SPACA7: variants seen among roughly 807,000 people sequenced by gnomAD.
The protein encoded by SPACA7 is sperm acrosome associated 7.
A neutral mutation model predicts 26.3 loss-of-function variants in SPACA7; 19 were observed. The observed-to-expected ratio is 0.72, with a 90% CI of 0.50 to 1.06. The LOEUF is 1.06. Among genes scored for constraint, SPACA7 ranks in the 50% least tolerant of loss-of-function variants. The pLI, the probability that SPACA7 is intolerant of heterozygous loss-of-function variation, is 0.00. For synonymous variants in SPACA7, 84 were observed against 84.5 expected (o/e 0.99, Z 0.04); for missense variants, 211 against 229.9 (o/e 0.92, Z 0.53).
At chr13:112,422,518 A>G (rs905464122) in intron 5 of SPACA7, among the ~76,000 whole-genome samples, 4 of 152,236 alleles carry the variant, frequency 2.6e-5, no homozygotes, top group Non-Finnish European at 5.9e-5. Context: ...TGGAACATTC[A>G]CCAACATCCA....
At chr13:112,431,953 C>T (rs111374836) in intron 5 of SPACA7, among the ~76,000 whole-genome samples, 25 of 152,144 alleles carry the variant, frequency 1.6e-4, no homozygotes, top group African/African-American at 5.1e-4. Flanking sequence ...TCCTGAGCAG[C>T]GGGGACCACA....
intron 1 of SPACA7, among the ~76,000 whole-genome samples, chr13:112,380,577 G>T (rs1346194336): frequency 2.0e-5 from 3 of 151,790 alleles, no homozygotes; most frequent in Non-Finnish European, 2.9e-5. Context: ...CACCACATAA[G>T]ATTTTTCTCT....
intron 1 of SPACA7, among the ~76,000 whole-genome samples, chr13:112,379,657 C>T (rs1883917883): frequency 1.3e-5 from 2 of 152,156 alleles, no homozygotes; most frequent in African/African-American, 4.8e-5. Context: ...TTTGACAATG[C>T]TTTTTACGAA....
intron 5 of SPACA7, among the ~76,000 whole-genome samples, chr13:112,411,318 T>C (rs1411663756): frequency 6.6e-6 from 1 of 152,142 alleles, no homozygotes; most frequent in African/African-American, 2.4e-5. Context: ...AATTCATATA[T>C]AATAGTTGCA....
At chr13:112,407,126 A>G (rs1365363742) in intron 5 of SPACA7, among the ~76,000 whole-genome samples, 1 of 152,260 alleles carries the variant, frequency 6.6e-6, no homozygotes, top group African/African-American at 2.4e-5. Context: ...TACTGGGTAC[A>G]TAACAAAATG....
rs540239383 is a variant in SPACA7, at chr13:112,402,860, T to C, written c.445+1696T>C. 8.5e-5 allele frequency among the ~76,000 whole-genome samples: 13 copies of C among 152,320 alleles called. No homozygotes were observed. The South Asian group carries it at 2.7e-3, about 32-fold the overall frequency. On this transcript the variant is annotated intron_variant, in intron 5 of 6. Transcript: ENST00000283550. ...AATAAATTCCATTTGGTCATGTTGA[T>C]TATATTCTTAGAATGGTATTAGATT...
intron 5 of SPACA7, among the ~76,000 whole-genome samples, chr13:112,405,657 A>G (rs1397773917): frequency 1.3e-5 from 2 of 152,214 alleles, no homozygotes; most frequent in Non-Finnish European, 2.9e-5. Context: ...TTTAACTGGA[A>G]TCTGGTGTGT....
At chr13:112,394,633 G>T (rs1172383562) in intron 2 of SPACA7, among the ~76,000 whole-genome samples, 2 of 152,156 alleles carry the variant, frequency 1.3e-5, no homozygotes, top group Non-Finnish European at 2.9e-5. Flanking sequence ...CGCTCCTGCC[G>T]CCCCGTCCAC....
At chr13:112,424,233 A>C (rs1055321820) in intron 5 of SPACA7, among the ~76,000 whole-genome samples, 2 of 152,236 alleles carry the variant, frequency 1.3e-5, no homozygotes, top group Non-Finnish European at 2.9e-5. Flanking sequence ...CACTCCAAAG[A>C]ACCTAGGTGC....
intron 2 of SPACA7, among the ~76,000 whole-genome samples, chr13:112,395,846 A>T (rs373305128): frequency 6.6e-6 from 1 of 152,184 alleles, no homozygotes; most frequent in Non-Finnish European, 1.5e-5. Flanking sequence ...AACCATCAGC[A>T]GTTAGACTTG....
At chr13:112,382,293 C>T in intron 1 of SPACA7, 1 of 724,316 alleles carries the variant, frequency 1.4e-6, no homozygotes, top group Non-Finnish European at 2.2e-6. Context: ...CACTCTGTTG[C>T]CAGACTGGAG....
intron 3 of SPACA7, among the ~76,000 whole-genome samples, chr13:112,398,433 G>C (rs962470280): frequency 2.6e-5 from 4 of 152,042 alleles, no homozygotes; most frequent in African/African-American, 9.7e-5. Flanking sequence ...CAGGGCACAA[G>C]AACCTGAGAA....
At chr13:112,390,986 C>T (rs1168211544) in intron 1 of SPACA7, among the ~76,000 whole-genome samples, 1 of 152,210 alleles carries the variant, frequency 6.6e-6, no homozygotes, top group African/African-American at 2.4e-5. Flanking sequence ...GGGGGTGCTG[C>T]ACTGTTTAAA....
intron 5 of SPACA7, among the ~76,000 whole-genome samples, chr13:112,405,924 A>G (rs1376925421): frequency 6.6e-6 from 1 of 152,118 alleles, no homozygotes; most frequent in Non-Finnish European, 1.5e-5. Context: ...TGTCATGTTA[A>G]TGTTTTGAGG....
intron 1 of SPACA7, among the ~76,000 whole-genome samples, chr13:112,378,207 G>T (rs1048198402): frequency 3.3e-5 from 5 of 152,108 alleles, no homozygotes; most frequent in Non-Finnish European, 5.9e-5. Context: ...AACATTGAAG[G>T]ACTCTAAAAG....
At chr13:112,407,533 G>T (rs562104196) in intron 5 of SPACA7, among the ~76,000 whole-genome samples, 2 of 152,118 alleles carry the variant, frequency 1.3e-5, no homozygotes, top group South Asian at 2.1e-4. Context: ...TGGTAAAGGG[G>T]ATATCACCAC....
Position 112,423,220 on chromosome 13 carries a change from C to T in SPACA7, c.446-9224C>T, listed in dbSNP as rs769570007. ...CACAAGTACCATTGGCAAGTATTCT[C>T]GGGGCAAATGGGAAAGGGTTAATTA... On this transcript the variant is annotated intron_variant, in intron 5 of 6. Coordinates refer to ENST00000283550, the MANE Select transcript of SPACA7 (RefSeq NM_145248.5). Among the ~76,000 whole-genome samples, 14 of 152,038 alleles carry T rather than the reference C, an allele frequency of 9.2e-5. No homozygotes were observed. In the East Asian group the frequency reaches 1.9e-3, roughly 21 times the overall value.
chr13:112,396,180 G>A (rs564000794), intron 2 of SPACA7, among the ~76,000 whole-genome samples: 2 of 149,608 alleles, frequency 1.3e-5, no homozygotes, highest in South Asian at 2.1e-4. Context: ...GCATGGAGTG[G>A]ACTGGGTCAC....
chr13:112,404,519 T>A (rs1224317240), intron 5 of SPACA7, among the ~76,000 whole-genome samples: 1 of 152,212 alleles, frequency 6.6e-6, no homozygotes, highest in Non-Finnish European at 1.5e-5. Flanking sequence ...TTTTTTCCAA[T>A]GTTATCTTCT....
Sources: allele counts gnomAD v4.1 joint callset (sites outside exome capture counted in the v4.1 genomes callset), GRCh38; gene constraint gnomAD v4.1.1; transcripts MANE v1.5; gene names NCBI Gene and HGNC (gene_info 2026-07-23, HGNC 2026-07-21).